TMEM117: variants seen among roughly 807,000 people sequenced by gnomAD.
TMEM117 encodes transmembrane protein 117.
Under a neutral mutation model 52.4 loss-of-function variants are expected in TMEM117, and 27 were observed. The observed-to-expected ratio is 0.51, with a 90% CI of 0.38 to 0.71. The LOEUF is 0.71. TMEM117 is among the 30% of genes least tolerant of loss of function. The pLI, the probability that TMEM117 is intolerant of heterozygous loss-of-function variation, is 0.00. For synonymous variants in TMEM117, 215 were observed against 206.3 expected (o/e 1.04, Z -0.36); for missense variants, 556 against 630.5 (o/e 0.88, Z 1.26).
chr12:44,318,230 T>C, intron 6 of TMEM117: 1 of 152,434 alleles, frequency 6.6e-6, no homozygotes, highest in African/African-American at 2.4e-5. Flanking sequence ...GAGAGGGTCC[T>C]GTTACATCAC....
chr12:44,364,775 T>G (rs926903653), intron 6 of TMEM117, among the ~76,000 whole-genome samples: 1 of 152,140 alleles, frequency 6.6e-6, no homozygotes, highest in African/African-American at 2.4e-5. Flanking sequence ...CTTGTGTTTT[T>G]GCACTGCCTT....
At chr12:43,820,108 T>G in the TMEM117 span, among the ~76,000 whole-genome samples, 2 of 142,872 alleles carry the variant, frequency 1.4e-5, no homozygotes, top group Non-Finnish European at 3.1e-5. Context: ...TATTTTTTTT[T>G]GTTTTTGTTT....
At chr12:43,987,575 CT>C (rs1442576789) in intron 3 of TMEM117, among the ~76,000 whole-genome samples, 2 of 149,986 alleles carry the variant, frequency 1.3e-5, no homozygotes, top group Non-Finnish European at 3.0e-5. Flanking sequence ...CCTTGGGAGT[CT>C]TATGTGCCCT....
At chr12:44,157,783 G>A (rs1948847468) in intron 4 of TMEM117, among the ~76,000 whole-genome samples, 1 of 152,130 alleles carries the variant, frequency 6.6e-6, no homozygotes, top group Non-Finnish European at 1.5e-5. Context: ...TGGTAAGACA[G>A]TCTTGAGCAG....
chr12:44,389,775 G>T (rs74085171), downstream of TMEM117: 1 of 152,210 alleles, frequency 6.6e-6, no homozygotes, highest in African/African-American at 2.4e-5. Context: ...ATGTGATGTA[G>T]TTTTTTGTTT....
chr12:44,020,265 A>G (rs1174785860), intron 3 of TMEM117, among the ~76,000 whole-genome samples: 1 of 152,154 alleles, frequency 6.6e-6, no homozygotes, highest in African/African-American at 2.4e-5. Context: ...CAGTTATTTT[A>G]TGTCTTTTTT....
At chr12:43,933,481 G>A (rs145470952) in intron 2 of TMEM117, among the ~76,000 whole-genome samples, 19 of 152,260 alleles carry the variant, frequency 1.2e-4, no homozygotes, top group African/African-American at 4.6e-4. Flanking sequence ...GATTACAGGC[G>A]TGAGCCACTG....
intron 6 of TMEM117, among the ~76,000 whole-genome samples, chr12:44,362,256 A>AT (rs1951731080): frequency 6.6e-6 from 1 of 152,106 alleles, no homozygotes; most frequent in African/African-American, 2.4e-5. Flanking sequence ...GGTTGCAACC[A>AT]TAGCTCATAT....
the TMEM117 span, among the ~76,000 whole-genome samples, chr12:43,817,320 G>A: frequency 3.3e-5 from 5 of 152,174 alleles, no homozygotes; most frequent in African/African-American, 1.2e-4. Flanking sequence ...AAAACATAGT[G>A]ATTGAATAAA....
At chr12:44,322,370 GA>G (rs1466915583) in intron 6 of TMEM117, among the ~76,000 whole-genome samples, 1 of 152,124 alleles carries the variant, frequency 6.6e-6, no homozygotes, top group Admixed American at 6.5e-5. Flanking sequence ...TTGATTCCCA[GA>G]GATCTAGAGT....
chr12:43,828,754 C>A, the TMEM117 span, among the ~76,000 whole-genome samples: 1 of 152,134 alleles, frequency 6.6e-6, no homozygotes, highest in South Asian at 2.1e-4. Context: ...TTTCCTACTA[C>A]TACAAATGAT....
chr12:44,194,026 A>T (rs750950621), intron 4 of TMEM117, among the ~76,000 whole-genome samples: 2 of 152,216 alleles, frequency 1.3e-5, no homozygotes, highest in Non-Finnish European at 2.9e-5. Flanking sequence ...TATATAGAAC[A>T]TAAAGTAATA....
intron 6 of TMEM117, among the ~76,000 whole-genome samples, chr12:44,309,950 T>C (rs1950953076): frequency 6.6e-6 from 1 of 152,222 alleles, no homozygotes; most frequent in African/African-American, 2.4e-5. Context: ...TGCAATAGAC[T>C]AAAGTCAGGG....
chr12:43,996,576 G>A (rs997981628), intron 3 of TMEM117, among the ~76,000 whole-genome samples: 9 of 152,050 alleles, frequency 5.9e-5, no homozygotes, highest in African/African-American at 2.2e-4. Flanking sequence ...CTGGGAGGAG[G>A]AGCTTGCAGT....
chr12:44,120,352 A>AT (rs1948213313), intron 3 of TMEM117, among the ~76,000 whole-genome samples: 4 of 152,118 alleles, frequency 2.6e-5, no homozygotes, highest in Admixed American at 2.6e-4. Flanking sequence ...CTGTCTACCT[A>AT]TTTTTTCCTG....
At chr12:44,167,895 C>G (rs1948990835) in intron 4 of TMEM117, among the ~76,000 whole-genome samples, 1 of 152,110 alleles carries the variant, frequency 6.6e-6, no homozygotes, top group African/African-American at 2.4e-5. Flanking sequence ...ATTTACTCTC[C>G]TCTTGAAAAT....
rs958208321 is a variant in TMEM117 at position 43,836,134 on chromosome 12, C to T, written c.-91C>T. The T allele has an allele frequency of 1.4e-4, 21 of 152,060 alleles. No homozygotes were observed. Among genetic ancestry groups the T allele is most frequent in the African/African-American group, 5.1e-4 (21 of 41,416 alleles). The allele number at this position is 152,060 out of a possible 1,614,324, so 9.4% of individuals were successfully genotyped here. ...CTTCCCAGCGAGGCCGCCGGCGCGC[C>T]GAGGGCTGTGCTCGACCGCGAATCC... On this transcript the variant is annotated 5_prime_UTR_variant, in exon 1 of 8. Coordinates refer to ENST00000266534, the MANE Select transcript of TMEM117 (RefSeq NM_032256.3).
chr12:43,953,275 T>C lies in TMEM117; in HGVS notation c.410+8933T>C, dbSNP rs1264083910. Among the ~76,000 whole-genome samples, 4 of 152,266 alleles carry C rather than the reference T, an allele frequency of 2.6e-5. No homozygotes were observed. The East Asian group carries it at 5.8e-4, about 22-fold the overall frequency. Reference sequence around the variant, plus strand: ...CAAAATTAACCAGCCACCATCATGATGACAGGATCAAATTCATACGTAATA... The same window carrying C: ...CAAAATTAACCAGCCACCATCATGACGACAGGATCAAATTCATACGTAATA... On this transcript the variant is annotated intron_variant, in intron 3 of 7. Transcript: ENST00000266534.
chr12:43,948,030 T>G (rs1171507428), intron 3 of TMEM117, among the ~76,000 whole-genome samples: 1 of 152,086 alleles, frequency 6.6e-6, no homozygotes, highest in East Asian at 1.9e-4. Flanking sequence ...CCTCAAGAGT[T>G]TTTAGCCCAG....
Sources: gnomAD v4.1 joint callset for allele counts (sites outside exome capture counted in the v4.1 genomes callset) on GRCh38, gnomAD v4.1.1 for gene constraint, MANE v1.5 for transcripts, NCBI Gene and HGNC (gene_info 2026-07-23, HGNC 2026-07-21) for gene names.